THRAP3: variants seen among roughly 807,000 people sequenced by gnomAD.
The protein encoded by THRAP3 is thyroid hormone receptor-associated protein 3.
A neutral mutation model predicts 101.0 loss-of-function variants in THRAP3; 16 were observed. That is an observed-to-expected ratio of 0.16 (90% confidence interval 0.11 to 0.24). The LOEUF is 0.24. Among genes scored for constraint, THRAP3 ranks in the 10% least tolerant of loss-of-function variants. The pLI, the probability that THRAP3 is intolerant of heterozygous loss-of-function variation, is 1.00. For synonymous variants in THRAP3, 407 were observed against 422.6 expected, an observed-to-expected ratio of 0.96 and a Z score of 0.45; for missense variants, 989 against 1,202.7, an observed-to-expected ratio of 0.82 and a Z score of 2.63.
At chr1:36,291,677 G>A (rs1645870281) in intron 6 of THRAP3, 131 bp downstream of exon 6, 1 of 964,724 alleles carries the variant, frequency 1.0e-6, no homozygotes, top group East Asian at 2.5e-5. Context: ...GGGCTGGCTT[G>A]AAGGAAATTC....
chr1:36,231,422 T>G (rs748919356), intron 1 of THRAP3, among the ~76,000 whole-genome samples: 2 of 152,214 alleles, frequency 1.3e-5, no homozygotes, highest in Non-Finnish European at 2.9e-5. Flanking sequence ...TGGAATGTTG[T>G]CACTGCATAG....
chr1:36,266,479 T>G (rs1364424522), intron 2 of THRAP3, among the ~76,000 whole-genome samples: 2 of 152,150 alleles, frequency 1.3e-5, no homozygotes, highest in African/African-American at 4.8e-5. Context: ...TCTAAGTTAC[T>G]GAGAAGTAAT....
intron 6 of THRAP3, 36 bp downstream of exon 6, chr1:36,291,582 T>A: frequency 1.2e-6 from 2 of 1,603,858 alleles, no homozygotes; most frequent in Non-Finnish European, 1.7e-6. Context: ...AGGCTCGTGT[T>A]CCACACTTAG....
chr1:36,282,337 G>A (rs1645743053), intron 2 of THRAP3, among the ~76,000 whole-genome samples, 196 bp from the exon 3 acceptor site: 1 of 151,050 alleles, frequency 6.6e-6, no homozygotes, highest in African/African-American at 2.4e-5. Context: ...TCCTGTCTTA[G>A]CCTCTCAAAT....
intron 2 of THRAP3, among the ~76,000 whole-genome samples, chr1:36,261,376 C>CA (rs1198427659): frequency 1.3e-5 from 2 of 151,902 alleles, no homozygotes; most frequent in African/African-American, 4.8e-5. Context: ...ACTAAAAATA[C>CA]AAAAAAACTA....
Position 36,296,671 on chromosome 1 carries a change from G to A in THRAP3, c.2204G>A (p.Gly735Asp). Residue 735 changes from glycine (G) to aspartate (D), a missense_variant, in exon 9 of 12, where the codon GGT becomes GAT. Physicochemically the swap from Gly to Asp is moderately conservative, Grantham distance 94. Transcript: ENST00000354618. ...KKHKERDLKR[G>D]KSRESVDSRD... ...CATAAGGAGAGAGATCTTAAACGAG[G>A]TAAATCGAGAGAATCAGTGGATTCC... is the stretch of plus-strand genomic sequence containing the variant. 2 of 1,610,698 alleles carry A rather than the reference G, an allele frequency of 1.2e-6. No homozygotes were observed. The highest frequency in any genetic ancestry group is 2.2e-5 in the East Asian group (1 of 44,726).
chr1:36,285,285 A>T (rs879804361), intron 3 of THRAP3, among the ~76,000 whole-genome samples: 2 of 152,218 alleles, frequency 1.3e-5, no homozygotes, highest in African/African-American at 2.4e-5. Flanking sequence ...AGTAAATTTT[A>T]CTTATTTGTA....
rs1456122455 is a variant in THRAP3 at position 36,286,442 on chromosome 1, G to T, written c.212G>T (p.Arg71Leu). The T allele has an allele frequency of 6.2e-7, 1 of 1,614,090 alleles. No individual in the cohort carries two copies. Among genetic ancestry groups the T allele is most frequent in the Non-Finnish European group, 8.5e-7 (1 of 1,180,014 alleles). ...ERNHPRVYQNRDFRGHNRGYR... is the reference protein window; with the variant it reads ...ERNHPRVYQNLDFRGHNRGYR... The stretch of plus-strand genomic sequence containing the variant: ...AACCACCCAAGAGTATATCAGAATC[G>T]GGATTTCCGAGGTCACAACAGAGGC... The change falls in exon 4 of 12, where the codon CGG (arginine) becomes CTG (leucine). Residue 71 changes from arginine (R) to leucine (L), a missense_variant. By Grantham distance (102) the Arg-to-Leu change is moderately radical. Transcript: ENST00000354618. The surrounding 1 kb of genome is among the most constrained non-coding windows in gnomAD (Gnocchi z 5.5).
In THRAP3 at chr1:36,270,571, GTTTTTGT is replaced by G. The variant is rs769918925; in HGVS notation, c.-32+11093_-32+11099del. ...TAAAAATACAGTTCTATTTGTTTAG[GTTTTTGT>G]TTTTTTTTTTTTTTTTGAGACGGAG... On this transcript the variant is annotated intron_variant, in intron 2 of 11. Transcript: ENST00000354618. 3.5e-4 allele frequency among the ~76,000 whole-genome samples: 11 copies of G among 31,874 alleles called. 2 individuals are homozygous for G. Among genetic ancestry groups the G allele is most frequent in the Non-Finnish European group, 5.5e-4 (7 of 12,656 alleles). 20.9% of individuals were successfully genotyped at this position (31,874 alleles called of 152,430 possible).
chr1:36,274,477 A>G (rs1443659468), intron 2 of THRAP3, among the ~76,000 whole-genome samples: 1 of 152,182 alleles, frequency 6.6e-6, no homozygotes, highest in African/African-American at 2.4e-5. Flanking sequence ...GAAAAAGAGA[A>G]AAGTTGGAGG....
intron 2 of THRAP3, among the ~76,000 whole-genome samples, chr1:36,266,127 C>T (rs551888570): frequency 6.8e-6 from 1 of 146,588 alleles, no homozygotes; most frequent in South Asian, 2.2e-4. Context: ...GCACTCTAGC[C>T]TTGGTACAGA....
At chr1:36,299,799 A>G (rs1212919782) in intron 9 of THRAP3, among the ~76,000 whole-genome samples, 2 of 152,174 alleles carry the variant, frequency 1.3e-5, no homozygotes, top group Non-Finnish European at 1.5e-5. Flanking sequence ...GAGAGCCACT[A>G]CGCCCGGCCA....
At chr1:36,213,377 A>T in the THRAP3 span, among the ~76,000 whole-genome samples, 7 of 152,260 alleles carry the variant, frequency 4.6e-5, no homozygotes, top group Middle Eastern at 6.8e-3. Context: ...CACTGTTCTA[A>T]GACATGTTCT....
chr1:36,302,865 A>G (rs1219219670), intron 11 of THRAP3, among the ~76,000 whole-genome samples: 1 of 152,194 alleles, frequency 6.6e-6, no homozygotes, highest in African/African-American at 2.4e-5. Context: ...GAAAAAATGA[A>G]ATGTAGGTTA....
At chr1:36,208,966 CTTTTTTT>C in the THRAP3 span, among the ~76,000 whole-genome samples, 2 of 51,926 alleles carry the variant, frequency 3.9e-5, no homozygotes, top group South Asian at 1.9e-3. Flanking sequence ...CATGTCCAGC[CTTTTTTT>C]TTTTTTTTTT....
chr1:36,266,676 T>C (rs576257367), intron 2 of THRAP3, among the ~76,000 whole-genome samples: 1 of 152,248 alleles, frequency 6.6e-6, no homozygotes, highest in South Asian at 2.1e-4. Context: ...TCTAACTTGC[T>C]CTGGAACCTC....
chr1:36,270,727 C>T lies in THRAP3; in HGVS notation c.-32+11243C>T, dbSNP rs1300785296. 2.6e-5 allele frequency among the ~76,000 whole-genome samples: 4 copies of T among 151,426 alleles called. No individual in the cohort carries two copies. In the East Asian group the frequency reaches 5.8e-4, roughly 22 times the overall value. On this transcript the variant is annotated intron_variant, in intron 2 of 11. Transcript: ENST00000354618. Reference sequence around the variant, plus strand: ...TGAGTAGCTGGGATTACAGGCATGCCCCACCACGCCTAGCGAATTTTGTAT... The same window carrying T: ...TGAGTAGCTGGGATTACAGGCATGCTCCACCACGCCTAGCGAATTTTGTAT...
intron 2 of THRAP3, among the ~76,000 whole-genome samples, chr1:36,276,022 A>G (rs1299186906): frequency 6.6e-6 from 1 of 152,112 alleles, no homozygotes; most frequent in Non-Finnish European, 1.5e-5. Context: ...CTGTCTCTAA[A>G]TAAAGTTGGA....
chr1:36,213,983 AAG>A, the THRAP3 span, among the ~76,000 whole-genome samples: 34 of 106,784 alleles, frequency 3.2e-4, no homozygotes, highest in East Asian at 6.6e-3. Context: ...GAAAGAAAGA[AAG>A]AAAGAAAGAA....
Sources: gnomAD v4.1 joint callset for allele counts (sites outside exome capture counted in the v4.1 genomes callset) on GRCh38, gnomAD v4.1.1 for gene constraint, Gnocchi (gnomAD v3.1) non-coding constraint, MANE v1.5 for transcripts, NCBI Gene and HGNC (gene_info 2026-07-23, HGNC 2026-07-21) for gene names.